Variants in CAMTA1 observed in about 807,000 individuals in gnomAD.
CAMTA1 encodes the protein calmodulin binding transcription activator 1, also known as calmodulin-binding transcription activator 1.
CAMTA1 carries 27 observed loss-of-function variants against 170.9 expected under a neutral mutation model. The observed-to-expected ratio is 0.16, with a 90% CI of 0.12 to 0.22. CAMTA1 has a LOEUF of 0.22. CAMTA1 is among the 10% of genes least tolerant of loss of function. The probability of loss-of-function intolerance (pLI) is 1.00; values close to 1 mark genes in which losing one functional copy is unlikely to be tolerated. For synonymous variants in CAMTA1, 833 were observed against 891.5 expected (o/e 0.93, Z 1.17); for missense variants, 1,619 against 2,217.2 (o/e 0.73, Z 5.42).
At chr1:6,949,121 C>G (rs144854535) in intron 3 of CAMTA1, among the ~76,000 whole-genome samples, 1 of 152,350 alleles carries the variant, frequency 6.6e-6, no homozygotes, top group African/African-American at 2.4e-5. Flanking sequence ...CTAATCCACT[C>G]TGAGACTTTA....
chr1:7,461,920 C>G (rs142451559), intron 5 of CAMTA1, among the ~76,000 whole-genome samples: 10 of 152,388 alleles, frequency 6.6e-5, no homozygotes, highest in Non-Finnish European at 1.5e-4. Flanking sequence ...TCCATGATCT[C>G]CCATACGCCT....
intron 4 of CAMTA1, among the ~76,000 whole-genome samples, chr1:7,117,502 C>G (rs938040471): frequency 6.6e-6 from 1 of 152,064 alleles, no homozygotes; most frequent in African/African-American, 2.4e-5. Context: ...TGTCCTAGCA[C>G]TTACCAGTTT....
At chr1:7,157,066 G>A (rs921125280) in intron 4 of CAMTA1, among the ~76,000 whole-genome samples, 2 of 152,068 alleles carry the variant, frequency 1.3e-5, no homozygotes, top group South Asian at 4.2e-4. Flanking sequence ...ACTTTTGGCC[G>A]GGCGCGGTGA....
At chr1:6,846,154 T>C (rs1166418236) in intron 3 of CAMTA1, among the ~76,000 whole-genome samples, 1 of 152,218 alleles carries the variant, frequency 6.6e-6, no homozygotes, top group Non-Finnish European at 1.5e-5. Context: ...GAGATTTGGG[T>C]GGGGACACAG....
At chr1:7,276,303 A>ATATATATATATATTTTTTTTTTTTTTT in intron 5 of CAMTA1, among the ~76,000 whole-genome samples, 1 of 24,232 alleles carries the variant, frequency 4.1e-5, no homozygotes, top group Non-Finnish European at 6.1e-5. Context: ...ATATATATAT[A>ATATATATATATATTTTTTTTTTTTTTT]TTTTTTTTTT....
intron 1 of CAMTA1, among the ~76,000 whole-genome samples, chr1:6,812,098 T>C (rs1645236430): frequency 6.6e-6 from 1 of 152,242 alleles, no homozygotes; most frequent in African/African-American, 2.4e-5. Flanking sequence ...TGTTCCTCAG[T>C]GGGAGCGTTT....
intron 5 of CAMTA1, among the ~76,000 whole-genome samples, chr1:7,414,100 A>G: frequency 6.6e-6 from 1 of 152,220 alleles, no homozygotes; most frequent in East Asian, 1.9e-4. Flanking sequence ...CATCCCAGGG[A>G]TGAAGCCCAC....
chr1:7,496,396 A>G (rs2093827800), intron 6 of CAMTA1, among the ~76,000 whole-genome samples: 1 of 152,068 alleles, frequency 6.6e-6, no homozygotes, highest in Non-Finnish European at 1.5e-5. Context: ...AGCCCCAAAG[A>G]GCATGAGACT....
intron 3 of CAMTA1, among the ~76,000 whole-genome samples, chr1:7,016,689 GC>G (rs1331257533): frequency 6.6e-6 from 1 of 152,120 alleles, no homozygotes; most frequent in African/African-American, 2.4e-5. Flanking sequence ...CAAAAAATTA[GC>G]CTTGCGTGGT....
At chr1:7,553,151 A>ATGAG (rs1461058746) in intron 6 of CAMTA1, among the ~76,000 whole-genome samples, 2 of 152,260 alleles carry the variant, frequency 1.3e-5, no homozygotes, top group East Asian at 1.9e-4. Flanking sequence ...GAATGAATGA[A>ATGAG]TGAGTGAATG....
chr1:6,876,723 C>T (rs114696916), intron 3 of CAMTA1, among the ~76,000 whole-genome samples: 3 of 152,258 alleles, frequency 2.0e-5, no homozygotes, highest in Non-Finnish European at 4.4e-5. Flanking sequence ...TACTGCCCGT[C>T]ATTAGCTTGA....
intron 22 of CAMTA1, among the ~76,000 whole-genome samples, chr1:7,762,291 C>T (rs1051862253): frequency 6.6e-6 from 1 of 152,218 alleles, no homozygotes; most frequent in African/African-American, 2.4e-5. Context: ...TTGTATCCTT[C>T]TCATTGGTAA....
chr1:7,608,049 T>A (rs1343725008), intron 6 of CAMTA1, among the ~76,000 whole-genome samples: 3 of 152,194 alleles, frequency 2.0e-5, no homozygotes, highest in Non-Finnish European at 4.4e-5. Flanking sequence ...CCTGAGCCCC[T>A]GTCCTCAACT....
At chr1:7,483,181 AAG>A (rs1294344172) in intron 6 of CAMTA1, among the ~76,000 whole-genome samples, 2 of 152,322 alleles carry the variant, frequency 1.3e-5, no homozygotes, top group East Asian at 3.9e-4. Flanking sequence ...CAGTGAGGGA[AAG>A]AGAGGCATGA....
chr1:7,744,276 C>A (rs575188010), intron 16 of CAMTA1, among the ~76,000 whole-genome samples: 1 of 152,038 alleles, frequency 6.6e-6, no homozygotes, highest in Admixed American at 6.5e-5. Context: ...GGATTATAGG[C>A]AAGCACCACC....
chr1:7,431,548 G>T (rs1048148978), intron 5 of CAMTA1, among the ~76,000 whole-genome samples: 2 of 151,892 alleles, frequency 1.3e-5, no homozygotes, highest in African/African-American at 4.8e-5. Flanking sequence ...AGCCCCACTT[G>T]GCAGATCGAA....
At chr1:7,288,880 T>C (rs1289580480) in intron 5 of CAMTA1, among the ~76,000 whole-genome samples, 4 of 152,174 alleles carry the variant, frequency 2.6e-5, no homozygotes, top group Admixed American at 1.3e-4. Context: ...TAGTCTGTTC[T>C]TGTATTACTA....
chr1:6,908,160 C>T (rs757952511), intron 3 of CAMTA1, among the ~76,000 whole-genome samples: 3 of 152,234 alleles, frequency 2.0e-5, no homozygotes, highest in Non-Finnish European at 2.9e-5. Flanking sequence ...CATCCCATCC[C>T]CTTCTGCCTG....
chr1:7,505,571 C>G (rs1177504913), intron 6 of CAMTA1, among the ~76,000 whole-genome samples: 1 of 152,192 alleles, frequency 6.6e-6, no homozygotes, highest in Non-Finnish European at 1.5e-5. Flanking sequence ...CCACCCAGGG[C>G]TGCAGTTTCA....
Sources: allele counts gnomAD v4.1 joint callset (sites outside exome capture counted in the v4.1 genomes callset), GRCh38; gene constraint gnomAD v4.1.1; transcripts MANE v1.5; gene names NCBI Gene and HGNC (gene_info 2026-07-23, HGNC 2026-07-21).